The following TP53BP1 variants were observed in gnomAD, a reference collection of about 807,000 sequenced individuals.
The protein encoded by TP53BP1 is tumor protein p53 binding protein 1, also known as TP53-binding protein 1.
In TP53BP1, 61 loss-of-function variants were observed where a neutral mutation model predicts 200.8. The ratio of observed to expected loss-of-function variants is 0.30; its 90% CI spans 0.25 to 0.38. TP53BP1 has a LOEUF of 0.38. Among genes scored for constraint, TP53BP1 ranks in the 10% least tolerant of loss-of-function variants. The pLI is 1.00. For synonymous variants in TP53BP1, 822 were observed against 844.3 expected, an observed-to-expected ratio of 0.97 and a Z score of 0.46; for missense variants, 2,144 against 2,371.9, an observed-to-expected ratio of 0.90 and a Z score of 2.00.
intron 11 of TP53BP1, among the ~76,000 whole-genome samples, chr15:43,469,223 A>C (rs1686719307): frequency 6.6e-6 from 1 of 152,162 alleles, no homozygotes; most frequent in Admixed American, 6.5e-5. Context: ...TATACAAATT[A>C]ATAGTTTTCC....
intron 4 of TP53BP1, among the ~76,000 whole-genome samples, chr15:43,481,955 C>T (rs2078975503): frequency 1.3e-5 from 2 of 152,030 alleles, no homozygotes; most frequent in African/African-American, 2.4e-5. Context: ...CGACCAGGCA[C>T]GGTGGCTCAC....
At chr15:43,442,022 G>C (rs1253741054) in intron 14 of TP53BP1, among the ~76,000 whole-genome samples, 2 of 150,746 alleles carry the variant, frequency 1.3e-5, no homozygotes, top group African/African-American at 4.9e-5. Context: ...TTGTTTGTTT[G>C]TTTTGAGACA....
intron 21 of TP53BP1, among the ~76,000 whole-genome samples, chr15:43,419,536 C>CTTTTTTTTT (rs34159488): frequency 2.7e-5 from 2 of 73,404 alleles, no homozygotes; most frequent in Non-Finnish European, 4.6e-5. Flanking sequence ...ATTTATGTTC[C>CTTTTTTTTT]TTTTTTTTTT....
At chr15:43,504,109 A>AC (rs146660740) in intron 1 of TP53BP1, among the ~76,000 whole-genome samples, 31,553 of 151,672 alleles carry the variant, frequency 0.21, 3,544 homozygotes, top group Middle Eastern at 0.28. Flanking sequence ...AAATAGCAAG[A>AC]CCCCCCTCCT....
At chr15:43,481,045 C>T in intron 4 of TP53BP1, 23 bp from the exon 5 acceptor site, 22 of 1,613,850 alleles carry the variant, frequency 1.4e-5, no homozygotes, top group Non-Finnish European at 1.9e-5. Flanking sequence ...AGGATATAAT[C>T]ATGTGTTCCC....
chr15:43,486,967 A>G (rs1480432309), intron 4 of TP53BP1, among the ~76,000 whole-genome samples: 2 of 152,168 alleles, frequency 1.3e-5, no homozygotes, highest in African/African-American at 4.8e-5. Flanking sequence ...TTATTCTGTT[A>G]AAAATATTTA....
chr15:43,492,141 T>A (rs1339473736), intron 2 of TP53BP1, 46 bp from the exon 3 acceptor site: 1 of 1,540,504 alleles, frequency 6.5e-7, no homozygotes, highest in Non-Finnish European at 9.0e-7. Context: ...ATGAAATAGT[T>A]CAAAATGAAA....
At chr15:43,477,554 C>A in intron 8 of TP53BP1, 39 bp downstream of exon 8, 1 of 1,554,964 alleles carries the variant, frequency 6.4e-7, no homozygotes, top group South Asian at 1.2e-5. Context: ...AAGTTTAGAT[C>A]TTTGGAGAAG....
At chr15:43,415,541 C>T in intron 23 of TP53BP1, 53 bp downstream of exon 23, 1 of 1,584,192 alleles carries the variant, frequency 6.3e-7, no homozygotes, top group Non-Finnish European at 8.7e-7. Flanking sequence ...CAGCAGCTGA[C>T]CCTGCATTCT....
chr15:43,420,080 A>C (rs902020233), intron 21 of TP53BP1, among the ~76,000 whole-genome samples: 3 of 152,240 alleles, frequency 2.0e-5, no homozygotes, highest in Non-Finnish European at 4.4e-5. Flanking sequence ...TGTACTTCGC[A>C]AATTTTCTGT....
chr15:43,407,537 G>T lies in TP53BP1; in HGVS notation c.5780C>A (p.Thr1927Lys). 1 of 1,614,018 alleles carries T rather than the reference G, an allele frequency of 6.2e-7. No homozygotes were observed. The highest frequency in any genetic ancestry group is 8.5e-7 in the Non-Finnish European group (1 of 1,179,956). Residue 1927 changes from threonine (T) to lysine (K), a missense_variant, in exon 28 of 28, where the codon ACG (threonine) becomes AAG (lysine). Transcript: ENST00000382044. ...CACCGAGGCTGGGCATGAGGGGTCC[G>T]TCACCACCACATCAAATACCCCTAA... Reference protein sequence around the residue: ...IALGVFDVVVTDPSCPASVLK... With the variant: ...IALGVFDVVVKDPSCPASVLK...
chr15:43,408,929 C>T lies in TP53BP1; in HGVS notation c.5568G>A (p.Gly1856=), dbSNP rs1394943390. 8 of 1,614,144 alleles carry T rather than the reference C, an allele frequency of 5.0e-6. No homozygotes were observed. The highest frequency in any genetic ancestry group is 6.8e-6 in the Non-Finnish European group (8 of 1,180,012). The change falls in exon 26 of 28, where the codon GGG becomes GGA. Residue 1856 remains glycine (G), a synonymous_variant. Coordinates refer to ENST00000382044, the MANE Select transcript of TP53BP1 (RefSeq NM_001141980.3). ...GAATTCTTTGCTCCTCAAGGCTGTA[C>T]CCAGCTGGCAACAGATAATTACGGT... is the stretch of plus-strand genomic sequence containing the variant. ...QNYRNYLLPA[G]YSLEEQRILD...
At position 43,456,535 on chromosome 15, in the gene TP53BP1, A is replaced by G; in HGVS notation, c.2073T>C (p.Ser691=). 6.2e-7 allele frequency: 1 copy of G among 1,609,432 alleles called. No homozygotes were observed. Among genetic ancestry groups the G allele is most frequent in the Non-Finnish European group, 8.5e-7 (1 of 1,177,864 alleles). Reference sequence around the variant, plus strand: ...CAGTCAGAGAAAGGTGCAACGGAACACTCTCCATATTTTCTTCTTTGAGTT... The same window carrying G: ...CAGTCAGAGAAAGGTGCAACGGAACGCTCTCCATATTTTCTTCTTTGAGTT... ...GEELKEENME[S]VPLHLSLTET... is the part of the protein sequence containing the mutation. Residue 691 remains serine, a synonymous_variant, in exon 12 of 28, where the codon AGT becomes AGC. Transcript: ENST00000382044.
chr15:43,471,566 A>ACAGG (rs1332714592), intron 10 of TP53BP1, among the ~76,000 whole-genome samples: 2 of 151,996 alleles, frequency 1.3e-5, no homozygotes, highest in Non-Finnish European at 2.9e-5. Context: ...AGCTGGGATT[A>ACAGG]CAGGCACCCG....
At position 43,421,884 on chromosome 15, in the gene TP53BP1, G is replaced by C; in HGVS notation, c.4071C>G (p.Pro1357=). The change falls in exon 19 of 28, where the codon CCC becomes CCG. Residue 1357 remains proline (P), a synonymous_variant. Coordinates refer to ENST00000382044, the MANE Select transcript of TP53BP1 (RefSeq NM_001141980.3). ...SGTEPADFAL[P]SSRGGPGKLS... ...GTTTTCCTGGGCCTCCTCGGGAGCT[G>C]GGTAAGGCAAAATCTGCGGGTTCTG... The C allele has an allele frequency of 6.2e-7, 1 of 1,614,236 alleles. No individual in the cohort carries two copies. The highest frequency in any genetic ancestry group is 8.5e-7 in the Non-Finnish European group (1 of 1,180,040).
At chr15:43,475,279 A>C (rs2078863698) in intron 9 of TP53BP1, among the ~76,000 whole-genome samples, 2 of 152,250 alleles carry the variant, frequency 1.3e-5, no homozygotes, top group Non-Finnish European at 2.9e-5. Context: ...AATTGCAAGT[A>C]AAACAGAGGA....
At chr15:43,505,239 T>C (rs2079230178) in intron 1 of TP53BP1, among the ~76,000 whole-genome samples, 1 of 152,162 alleles carries the variant, frequency 6.6e-6, no homozygotes, top group Non-Finnish European at 1.5e-5. Flanking sequence ...TATGAATACT[T>C]TGGGGAAAAA....
intron 24 of TP53BP1, 39 bp downstream of exon 24, chr15:43,413,080 C>A: frequency 1.3e-6 from 2 of 1,597,828 alleles, no homozygotes; most frequent in Non-Finnish European, 1.7e-6. Flanking sequence ...GAAAGAAGTG[C>A]CTATGTGTCA....
chr15:43,440,079 C>T (rs2045889962), intron 15 of TP53BP1, among the ~76,000 whole-genome samples: 1 of 152,158 alleles, frequency 6.6e-6, no homozygotes, highest in African/African-American at 2.4e-5. Flanking sequence ...GTCAGAAACT[C>T]ACAAGTGAGG....
Sources: gnomAD v4.1 joint callset for allele counts (sites outside exome capture counted in the v4.1 genomes callset) on GRCh38, gnomAD v4.1.1 for gene constraint, MANE v1.5 for transcripts, NCBI Gene and HGNC (gene_info 2026-07-23, HGNC 2026-07-21) for gene names.